RNF180: variants seen among roughly 807,000 people sequenced by gnomAD.
RNF180 encodes ring finger protein 180, also known as E3 ubiquitin-protein ligase RNF180.
Under a neutral mutation model 59.2 loss-of-function variants are expected in RNF180, and 38 were observed. That is an observed-to-expected ratio of 0.64 (90% CI 0.50 to 0.84). The LOEUF is 0.84. Among genes scored for constraint, RNF180 ranks in the 40% least tolerant of loss-of-function variants. The pLI is 0.00. For synonymous variants in RNF180, 262 were observed against 240.3 expected (o/e 1.09, Z -0.84); for missense variants, 705 against 700.9 (o/e 1.01, Z -0.07).
intron 1 of RNF180, among the ~76,000 whole-genome samples, chr5:64,188,371 T>C (rs1750971458): frequency 1.3e-5 from 2 of 152,034 alleles, no homozygotes; most frequent in Admixed American, 6.6e-5. Flanking sequence ...ATGCTAAACT[T>C]AATGGTTACA....
chr5:64,178,152 T>A (rs1166263433), intron 1 of RNF180, among the ~76,000 whole-genome samples: 1 of 142,582 alleles, frequency 7.0e-6, no homozygotes, highest in African/African-American at 2.6e-5. Context: ...TGCAGTGAGC[T>A]GAGATGGCGC....
At chr5:64,302,669 ATAGT>A (rs1743218152) in intron 5 of RNF180, among the ~76,000 whole-genome samples, 1 of 151,590 alleles carries the variant, frequency 6.6e-6, no homozygotes, top group African/African-American at 2.4e-5. Context: ...TATTTTGAAG[ATAGT>A]TATTTTGATG....
chr5:64,347,277 T>C (rs1017654919), intron 7 of RNF180, among the ~76,000 whole-genome samples: 14 of 152,192 alleles, frequency 9.2e-5, no homozygotes, highest in Non-Finnish European at 1.8e-4. Flanking sequence ...AGGCATTAAA[T>C]TTATTTGCCT....
At chr5:64,271,062 T>G (rs1358254172) in intron 5 of RNF180, among the ~76,000 whole-genome samples, 1 of 152,056 alleles carries the variant, frequency 6.6e-6, no homozygotes, top group Non-Finnish European at 1.5e-5. Context: ...CATATTTCAT[T>G]TGCTTGGTAA....
intron 5 of RNF180, among the ~76,000 whole-genome samples, chr5:64,296,527 A>G (rs1486164527): frequency 6.6e-6 from 1 of 152,132 alleles, no homozygotes; most frequent in Non-Finnish European, 1.5e-5. Context: ...TTTGTGCAAT[A>G]CAGCATATAT....
intron 5 of RNF180, among the ~76,000 whole-genome samples, chr5:64,244,801 G>A (rs1743050750): frequency 1.3e-5 from 2 of 152,144 alleles, no homozygotes; most frequent in African/African-American, 4.8e-5. Context: ...ATTCACCAAG[G>A]TTGAAATGAA....
At chr5:64,282,116 A>G (rs1742043564) in intron 5 of RNF180, among the ~76,000 whole-genome samples, 1 of 152,052 alleles carries the variant, frequency 6.6e-6, no homozygotes, top group South Asian at 2.1e-4. Context: ...TAGTTTCATT[A>G]GTAATGGTAC....
intron 1 of RNF180, among the ~76,000 whole-genome samples, chr5:64,199,432 A>C (rs1315445246): frequency 1.3e-5 from 2 of 152,056 alleles, no homozygotes; most frequent in African/African-American, 2.4e-5. Context: ...GTCCATTTCT[A>C]CCTGCATCCC....
At chr5:64,251,173 T>G (rs1743551647) in intron 5 of RNF180, among the ~76,000 whole-genome samples, 1 of 152,132 alleles carries the variant, frequency 6.6e-6, no homozygotes, top group South Asian at 2.1e-4. Context: ...CTCAACAAAT[T>G]AGGTATACAA....
chr5:64,216,410 C>T (rs1218422816), intron 4 of RNF180, among the ~76,000 whole-genome samples: 1 of 152,108 alleles, frequency 6.6e-6, no homozygotes, highest in Admixed American at 6.5e-5. Flanking sequence ...GTTTGTGATA[C>T]TGTGTCTTTG....
chr5:64,211,744 A>C (rs929571397), intron 2 of RNF180, among the ~76,000 whole-genome samples: 1 of 152,198 alleles, frequency 6.6e-6, no homozygotes, highest in Admixed American at 6.5e-5. Context: ...CATGAAAGAC[A>C]CTATTTTGTC....
chr5:64,351,362 G>T (rs1745804056), intron 7 of RNF180, among the ~76,000 whole-genome samples: 1 of 152,084 alleles, frequency 6.6e-6, no homozygotes, highest in African/African-American at 2.4e-5. Flanking sequence ...GGGACAATTT[G>T]ACTTCCTCTT....
chr5:64,170,045 C>G (rs1159115957), intron 1 of RNF180, among the ~76,000 whole-genome samples: 1 of 152,162 alleles, frequency 6.6e-6, no homozygotes, highest in Non-Finnish European at 1.5e-5. Context: ...AGATTTTTAG[C>G]CCACATTGAC....
chr5:64,323,468 G>C (rs555725441), intron 5 of RNF180, among the ~76,000 whole-genome samples: 1 of 152,092 alleles, frequency 6.6e-6, no homozygotes, highest in Admixed American at 6.6e-5. Context: ...TTGAACCCAG[G>C]AAGCAGAGGC....
chr5:64,364,764 T>C (rs960886358), intron 7 of RNF180, among the ~76,000 whole-genome samples: 8 of 151,550 alleles, frequency 5.3e-5, no homozygotes, highest in Admixed American at 4.6e-4. Context: ...TTGTTTTCTT[T>C]AGGGATTCAA....
chr5:64,245,274 A>G (rs1743081437), intron 5 of RNF180, among the ~76,000 whole-genome samples: 1 of 152,242 alleles, frequency 6.6e-6, no homozygotes, highest in Admixed American at 6.5e-5. Context: ...AACAATATTA[A>G]CCTTAAATAT....
At chr5:64,204,703 G>C (rs1398555679) in intron 2 of RNF180, among the ~76,000 whole-genome samples, 2 of 152,010 alleles carry the variant, frequency 1.3e-5, no homozygotes, top group Non-Finnish European at 2.9e-5. Context: ...TGTCCTTTAT[G>C]TGTTGTACTG....
chr5:64,240,132 G>A (rs1449562276), intron 5 of RNF180, among the ~76,000 whole-genome samples: 2 of 152,074 alleles, frequency 1.3e-5, no homozygotes, highest in Non-Finnish European at 2.9e-5. Context: ...CAAACCATCA[G>A]CATAATAGAT....
chr5:64,286,017 C>A (rs140339055), intron 5 of RNF180, among the ~76,000 whole-genome samples: 2 of 152,200 alleles, frequency 1.3e-5, no homozygotes, highest in South Asian at 2.1e-4. Context: ...CTCAACCCCC[C>A]CTTCCCCAGG....
Sources: gnomAD v4.1 joint callset for allele counts (sites outside exome capture counted in the v4.1 genomes callset) on GRCh38, gnomAD v4.1.1 for gene constraint, MANE v1.5 for transcripts, NCBI Gene and HGNC (gene_info 2026-07-23, HGNC 2026-07-21) for gene names.